The following MALRD1 variants were observed in gnomAD, a reference collection of about 807,000 sequenced individuals.
The protein encoded by MALRD1 is MAM and LDL receptor class A domain containing 1.
A neutral mutation model predicts 242.1 loss-of-function variants in MALRD1; 247 were observed. The observed-to-expected ratio is 1.02, with a 90% CI of 0.92 to 1.13. The LOEUF is 1.13. Among genes scored for constraint, MALRD1 ranks in the 50% most tolerant of loss-of-function variants. The pLI is 0.00. For synonymous variants in MALRD1, 995 were observed against 866.6 expected (o/e 1.15, Z -2.60); for missense variants, 2,989 against 2,533.1 (o/e 1.18, Z -3.86).
In MALRD1 at chr10:19,203,566, T is replaced by C. The variant is rs1023470274; in HGVS notation, c.1952-162T>C. Among the ~76,000 whole-genome samples, 10 of 152,330 alleles carry C rather than the reference T, an allele frequency of 6.6e-5. No individual in the cohort carries two copies. In the East Asian group the frequency reaches 1.9e-3, roughly 29 times the overall value. On this transcript the variant is annotated intron_variant, in intron 14 of 39. Coordinates refer to ENST00000454679, the MANE Select transcript of MALRD1 (RefSeq NM_001142308.3). ...AGTATGGAAAGCATAGCTCCATTTT[T>C]GCAAATGAGAAAGGATCTTTTTTAT... is the stretch of plus-strand genomic sequence containing the variant.
intron 18 of MALRD1, among the ~76,000 whole-genome samples, chr10:19,254,148 A>G (rs1272835772): frequency 6.6e-6 from 1 of 152,024 alleles, no homozygotes. Flanking sequence ...TTATAGCAGC[A>G]TGAGAGTATT....
At chr10:19,123,834 G>A (rs1837153995) in intron 6 of MALRD1, among the ~76,000 whole-genome samples, 1 of 152,086 alleles carries the variant, frequency 6.6e-6, no homozygotes, top group African/African-American at 2.4e-5. Flanking sequence ...TAAAATTTCA[G>A]TGTGATTATG....
chr10:19,497,600 A>G (rs1356204863), intron 30 of MALRD1, among the ~76,000 whole-genome samples: 2 of 152,070 alleles, frequency 1.3e-5, no homozygotes, highest in Non-Finnish European at 2.9e-5. Flanking sequence ...TTACATTTCT[A>G]TATGCTAACA....
chr10:19,204,850 A>T (rs1163291801), intron 16 of MALRD1, 48 bp from the exon 17 acceptor site: 12 of 1,471,838 alleles, frequency 8.2e-6, no homozygotes. Flanking sequence ...TTAAATATGT[A>T]GTCTATTCTA....
At chr10:19,432,931 A>T (rs1834202088) in intron 28 of MALRD1, among the ~76,000 whole-genome samples, 1 of 152,226 alleles carries the variant, frequency 6.6e-6, no homozygotes, top group Non-Finnish European at 1.5e-5. Context: ...TTTTAAAATT[A>T]CATTCTTTAC....
chr10:19,707,003 C>T (rs1473740864), intron 38 of MALRD1, among the ~76,000 whole-genome samples: 1 of 151,810 alleles, frequency 6.6e-6, no homozygotes, highest in East Asian at 1.9e-4. Flanking sequence ...CCTTCTCCTC[C>T]TCCTCCTTCT....
intron 26 of MALRD1, among the ~76,000 whole-genome samples, chr10:19,383,284 A>G (rs1440517741): frequency 2.0e-5 from 3 of 152,064 alleles, no homozygotes; most frequent in Admixed American, 6.6e-5. Context: ...ACTCCCATTG[A>G]TAAGTGAGAA....
intron 36 of MALRD1, among the ~76,000 whole-genome samples, chr10:19,634,470 C>A (rs1323695033): frequency 6.6e-6 from 1 of 152,008 alleles, no homozygotes; most frequent in African/African-American, 2.4e-5. Flanking sequence ...TCAAGGAAGT[C>A]ATGAGATCTA....
chr10:19,084,932 G>T (rs2131289522), intron 2 of MALRD1, among the ~76,000 whole-genome samples: 1 of 152,060 alleles, frequency 6.6e-6, no homozygotes, highest in East Asian at 1.9e-4. Flanking sequence ...AAGACATTAT[G>T]CATTGACTTT....
intron 21 of MALRD1, among the ~76,000 whole-genome samples, chr10:19,302,559 T>G (rs1328842374): frequency 6.6e-6 from 1 of 151,768 alleles, no homozygotes; most frequent in African/African-American, 2.4e-5. Flanking sequence ...TTTATTGCAT[T>G]GATATGAAAT....
chr10:19,420,466 G>C (rs1833682476), intron 28 of MALRD1, among the ~76,000 whole-genome samples: 1 of 151,606 alleles, frequency 6.6e-6, no homozygotes, highest in Admixed American at 6.6e-5. Context: ...AAACAATCAT[G>C]TATTTGTTTC....
chr10:19,483,645 A>G (rs1482169500), intron 29 of MALRD1, among the ~76,000 whole-genome samples: 1 of 152,098 alleles, frequency 6.6e-6, no homozygotes, highest in Non-Finnish European at 1.5e-5. Flanking sequence ...AAAATAACAG[A>G]TGCTGGTGAG....
intron 38 of MALRD1, chr10:19,724,790 G>A (rs1039461595): frequency 1.3e-5 from 2 of 152,176 alleles, no homozygotes; most frequent in African/African-American, 4.8e-5. Flanking sequence ...ATAAACTTCA[G>A]TATTCATAAA....
intron 4 of MALRD1, among the ~76,000 whole-genome samples, chr10:19,100,232 C>T (rs1398924658): frequency 6.6e-6 from 1 of 152,070 alleles, no homozygotes; most frequent in Non-Finnish European, 1.5e-5. Flanking sequence ...GGTAAATTTC[C>T]CTCCACTTCG....
At chr10:19,513,460 C>G (rs1833492513) in intron 31 of MALRD1, among the ~76,000 whole-genome samples, 1 of 149,642 alleles carries the variant, frequency 6.7e-6, no homozygotes, top group Non-Finnish European at 1.5e-5. Flanking sequence ...TCCAACCTGG[C>G]CGGGCGTGGT....
At chr10:19,718,882 T>G (rs1309607927) in intron 38 of MALRD1, among the ~76,000 whole-genome samples, 1 of 151,824 alleles carries the variant, frequency 6.6e-6, no homozygotes, top group East Asian at 1.9e-4. Context: ...AAATGTGCTG[T>G]TAGGCCAGGC....
intron 32 of MALRD1, among the ~76,000 whole-genome samples, chr10:19,536,850 C>G (rs1834704136): frequency 6.6e-6 from 1 of 152,116 alleles, no homozygotes. Context: ...TCATACAGCA[C>G]TGGAGCAAAT....
intron 14 of MALRD1, among the ~76,000 whole-genome samples, chr10:19,202,512 T>A (rs1433356204): frequency 6.6e-6 from 1 of 152,156 alleles, no homozygotes; most frequent in African/African-American, 2.4e-5. Flanking sequence ...TCCCTATAAT[T>A]TTATTATTAC....
intron 36 of MALRD1, among the ~76,000 whole-genome samples, chr10:19,678,024 C>T (rs962064714): frequency 1.3e-5 from 2 of 152,080 alleles, no homozygotes; most frequent in African/African-American, 4.8e-5. Flanking sequence ...TTCCATTGGT[C>T]TATGTTTCTG....
Sources: allele counts gnomAD v4.1 joint callset (sites outside exome capture counted in the v4.1 genomes callset), GRCh38; gene constraint gnomAD v4.1.1; transcripts MANE v1.5; gene names NCBI Gene and HGNC (gene_info 2026-07-23, HGNC 2026-07-21).